LRBA: variants seen among roughly 807,000 people sequenced by gnomAD.
The protein encoded by LRBA is lipopolysaccharide-responsive and beige-like anchor protein.
In LRBA, 176 loss-of-function variants were observed where a neutral mutation model predicts 330.0. That is an observed-to-expected ratio of 0.53 (90% CI 0.47 to 0.60). The LOEUF is 0.60. LRBA is among the 20% of genes least tolerant of loss of function. The pLI is 0.00. For missense variants in LRBA, 3,259 were observed against 3,444.8 expected (o/e 0.95, Z 1.35); for synonymous variants, 1,230 against 1,193.0 (o/e 1.03, Z -0.64).
At position 150,573,346 on chromosome 4, in the gene LRBA, C is replaced by T. The variant is rs189441250; in HGVS notation, c.6330+14702G>A. On this transcript the variant is annotated intron_variant, in intron 40 of 56. Transcript: ENST00000651943. ...AAACATAAATTCACAAATAGCAATG[C>T]ATTTCTCATCTCTCAGTCTTTTAGG... 5.3e-5 allele frequency among the ~76,000 whole-genome samples: 8 copies of T among 152,292 alleles called. No individual in the cohort carries two copies. In the East Asian group the frequency reaches 1.5e-3, roughly 29 times the overall value.
intron 36 of LRBA, among the ~76,000 whole-genome samples, chr4:150,718,219 T>C (rs1236046678): frequency 6.6e-6 from 1 of 151,870 alleles, no homozygotes; most frequent in Admixed American, 6.6e-5. Flanking sequence ...GATATCCCAC[T>C]CCAATGATAA....
intron 42 of LRBA, among the ~76,000 whole-genome samples, chr4:150,481,895 T>G (rs1031171514): frequency 1.3e-5 from 2 of 152,106 alleles, no homozygotes; most frequent in African/African-American, 4.8e-5. Context: ...AATATTTGCT[T>G]AAAAGTAAAT....
At chr4:150,775,260 G>C (rs1168339414) in intron 34 of LRBA, among the ~76,000 whole-genome samples, 5 of 152,102 alleles carry the variant, frequency 3.3e-5, no homozygotes. Flanking sequence ...GTATCTTCAA[G>C]ACCCTGCAGT....
chr4:150,897,629 A>G lies in LRBA; in HGVS notation c.2004+110T>C, dbSNP rs894089603. 14 of 724,610 alleles carry G rather than the reference A, an allele frequency of 1.9e-5. No homozygotes were observed. The East Asian group carries it at 3.4e-4, about 18-fold the overall frequency. The allele number at this position is 724,610 out of a possible 1,614,324, so 44.9% of individuals were successfully genotyped here. On this transcript the variant is annotated intron_variant, in intron 15 of 56. Coordinates refer to ENST00000651943, the MANE Select transcript of LRBA (RefSeq NM_001364905.1). The stretch of plus-strand genomic sequence containing the variant: ...GAAATATCTTTCAAAGTATTTTCCA[A>G]TGTGTAACCACAGTAACCAAGCAAA...
intron 40 of LRBA, among the ~76,000 whole-genome samples, chr4:150,549,364 C>A (rs1031232435): frequency 4.6e-5 from 7 of 151,364 alleles, no homozygotes; most frequent in Admixed American, 4.0e-4. Flanking sequence ...TGGAGTCTCG[C>A]TCTGTTGCCT....
chr4:150,332,127 A>G (rs1386835346), intron 48 of LRBA, among the ~76,000 whole-genome samples: 1 of 152,164 alleles, frequency 6.6e-6, no homozygotes, highest in East Asian at 1.9e-4. Flanking sequence ...GCAAGCACTC[A>G]ATAAATGTTA....
chr4:150,593,881 A>C (rs779668735), intron 38 of LRBA, among the ~76,000 whole-genome samples: 8 of 152,146 alleles, frequency 5.3e-5, no homozygotes, highest in Non-Finnish European at 1.0e-4. Flanking sequence ...AATAGCTCAA[A>C]AAATAAATTC....
rs967709802 is a variant in LRBA at position 150,851,327 on chromosome 4, G to A, written c.3826-425C>T. ...ACCAACCAACAAAAACAAAAAAAAG[G>A]AGGGTGGGACAGAGGATAAGAATTG... On this transcript the variant is annotated intron_variant, in intron 23 of 56. Coordinates refer to ENST00000651943, the MANE Select transcript of LRBA (RefSeq NM_001364905.1). Among the ~76,000 whole-genome samples, 3 of 152,140 alleles carry A rather than the reference G, an allele frequency of 2.0e-5. No homozygotes were observed. The East Asian group carries it at 5.8e-4, about 29-fold the overall frequency.
chr4:150,438,267 A>G (rs1437989153), intron 44 of LRBA, among the ~76,000 whole-genome samples: 2 of 152,294 alleles, frequency 1.3e-5, no homozygotes, highest in East Asian at 3.9e-4. Context: ...AGATTGTTTG[A>G]GTCCAGGAGT....
intron 2 of LRBA, among the ~76,000 whole-genome samples, chr4:150,981,643 T>A (rs1740847477): frequency 6.6e-6 from 1 of 151,718 alleles, no homozygotes; most frequent in African/African-American, 2.4e-5. Context: ...TACAGTGAAC[T>A]CAATTCCAAC....
At chr4:150,373,160 TGTGTGTGTGTGTGA>T (rs1413259939) in intron 47 of LRBA, among the ~76,000 whole-genome samples, 18 of 147,086 alleles carry the variant, frequency 1.2e-4, no homozygotes, top group East Asian at 7.9e-4. Context: ...TGTGTGTGTG[TGTGTGTGTGTGTGA>T]GAGAGAGAGA....
At chr4:150,379,859 A>G (rs1240509876) in intron 47 of LRBA, among the ~76,000 whole-genome samples, 1 of 152,122 alleles carries the variant, frequency 6.6e-6, no homozygotes, top group Admixed American at 6.6e-5. Flanking sequence ...CATACATAGG[A>G]AAACAACAAC....
At chr4:150,597,032 G>T in intron 38 of LRBA, 2 of 900,996 alleles carry the variant, frequency 2.2e-6, no homozygotes, top group Non-Finnish European at 3.5e-6. Flanking sequence ...TTAACATTTT[G>T]GAGTATGACA....
intron 36 of LRBA, among the ~76,000 whole-genome samples, chr4:150,717,501 A>G (rs1429496624): frequency 3.3e-5 from 5 of 151,642 alleles, no homozygotes; most frequent in Non-Finnish European, 2.9e-5. Flanking sequence ...TACAAAAAAC[A>G]AAACAAAAAT....
intron 42 of LRBA, among the ~76,000 whole-genome samples, chr4:150,484,513 TTTTAA>T (rs1172535305): frequency 6.6e-6 from 1 of 151,958 alleles, no homozygotes; most frequent in African/African-American, 2.4e-5. Flanking sequence ...TTCTTAATAT[TTTTAA>T]TTTGTGTCTT....
At chr4:150,690,679 G>GA (rs11372196) in intron 36 of LRBA, among the ~76,000 whole-genome samples, 145,303 of 146,788 alleles carry the variant, frequency 0.99, 71,921 homozygotes, top group South Asian at 1. Flanking sequence ...ATCCACATGA[G>GA]AAAAAAAAAA....
At chr4:150,942,525 T>C (rs919234735) in intron 2 of LRBA, among the ~76,000 whole-genome samples, 3 of 152,212 alleles carry the variant, frequency 2.0e-5, no homozygotes, top group Non-Finnish European at 4.4e-5. Flanking sequence ...CAATACAATA[T>C]AGTCATTTAA....
At chr4:150,941,582 G>A (rs530106951) in intron 2 of LRBA, among the ~76,000 whole-genome samples, 7 of 152,068 alleles carry the variant, frequency 4.6e-5, no homozygotes, top group South Asian at 2.1e-4. Flanking sequence ...ATTTTCTTTC[G>A]GAACAAACAT....
chr4:150,930,379 G>C (rs1345782815), intron 2 of LRBA, among the ~76,000 whole-genome samples: 1 of 151,948 alleles, frequency 6.6e-6, no homozygotes, highest in East Asian at 1.9e-4. Flanking sequence ...TGTAGTCCCA[G>C]TTACTTGGGA....
Sources: gnomAD v4.1 joint callset for allele counts (sites outside exome capture counted in the v4.1 genomes callset) on GRCh38, gnomAD v4.1.1 for gene constraint, MANE v1.5 for transcripts, NCBI Gene and HGNC (gene_info 2026-07-23, HGNC 2026-07-21) for gene names.